Variants in SMIM35 observed in about 807,000 individuals in gnomAD.
The protein encoded by SMIM35 is TMPRSS4 antisense RNA 1 (non-protein coding).
intron 1 of SMIM35, among the ~76,000 whole-genome samples, chr11:118,055,147 A>G (rs1275733638): frequency 6.6e-6 from 1 of 151,988 alleles, no homozygotes; most frequent in Non-Finnish European, 1.5e-5. Flanking sequence ...AACATTCAGG[A>G]TTGTGTCTTT....
intron 1 of SMIM35, among the ~76,000 whole-genome samples, chr11:118,053,802 C>T (rs1944262827): frequency 6.6e-6 from 1 of 152,208 alleles, no homozygotes; most frequent in African/African-American, 2.4e-5. Context: ...GCCCCTGTTC[C>T]TCTGACAGTG....
chr11:118,067,795 G>A (rs1203399458), intron 1 of SMIM35, among the ~76,000 whole-genome samples: 1 of 146,334 alleles, frequency 6.8e-6, no homozygotes, highest in Non-Finnish European at 1.5e-5. Flanking sequence ...TCACGCCATT[G>A]CACTCCAGCT....
chr11:118,049,339 A>ATTTTTTTTTTTTTT (rs398017739), intron 1 of SMIM35, among the ~76,000 whole-genome samples: 1 of 83,992 alleles, frequency 1.2e-5, no homozygotes, highest in African/African-American at 5.0e-5. Flanking sequence ...TCCACCCTTA[A>ATTTTTTTTTTTTTT]TTTTTTTTTT....
intron 1 of SMIM35, chr11:118,025,405 C>G (rs1057099220): frequency 1.5e-5 from 6 of 407,034 alleles, no homozygotes; most frequent in African/African-American, 1.2e-4. Flanking sequence ...TACATTTCGA[C>G]CAACAGTGTG....
At chr11:118,020,377 T>C (rs1415659003) in intron 1 of SMIM35, among the ~76,000 whole-genome samples, 1 of 152,234 alleles carries the variant, frequency 6.6e-6, no homozygotes, top group African/African-American at 2.4e-5. Context: ...TACTTTTCTC[T>C]TTCTTGTGAA....
intron 1 of SMIM35, among the ~76,000 whole-genome samples, chr11:118,075,125 A>T (rs987912721): frequency 1.3e-5 from 2 of 152,148 alleles, no homozygotes; most frequent in African/African-American, 4.8e-5. Context: ...ACAACTGAAA[A>T]CGTGGCTCCC....
chr11:118,030,344 A>C (rs2058308106), intron 1 of SMIM35, among the ~76,000 whole-genome samples: 1 of 152,110 alleles, frequency 6.6e-6, no homozygotes, highest in Non-Finnish European at 1.5e-5. Context: ...TTGCAACATA[A>C]TTTATGTTGG....
intron 1 of SMIM35, among the ~76,000 whole-genome samples, chr11:118,080,747 C>G (rs912001424): frequency 6.6e-6 from 1 of 152,076 alleles, no homozygotes; most frequent in South Asian, 2.1e-4. Context: ...GGGGAACTGC[C>G]GACAAGCTTC....
intron 1 of SMIM35, among the ~76,000 whole-genome samples, chr11:118,049,531 T>C (rs373309080): frequency 1.3e-5 from 2 of 151,780 alleles, no homozygotes; most frequent in East Asian, 1.9e-4. Context: ...GTATTTTTAG[T>C]AGAGACGGGG....
chr11:118,078,541 A>G (rs1311415402), intron 1 of SMIM35, among the ~76,000 whole-genome samples: 1 of 152,180 alleles, frequency 6.6e-6, no homozygotes, highest in East Asian at 1.9e-4. Context: ...TCAAAGCACA[A>G]GCTTCCTGCT....
intron 1 of SMIM35, chr11:118,059,538 G>A (rs1367263213): frequency 6.6e-6 from 1 of 152,244 alleles, no homozygotes; most frequent in African/African-American, 2.4e-5. Context: ...TGCCAACTGT[G>A]AAGCATGACA....
intron 1 of SMIM35, among the ~76,000 whole-genome samples, chr11:118,044,634 C>A (rs1344918194): frequency 4.9e-4 from 75 of 151,754 alleles, no homozygotes; most frequent in Admixed American, 4.9e-3. Context: ...ATTAGCCAGG[C>A]GTGGTGGCGG....
chr11:118,036,772 CT>C (rs949049583), intron 1 of SMIM35, among the ~76,000 whole-genome samples: 21 of 144,720 alleles, frequency 1.5e-4, no homozygotes, highest in Admixed American at 4.7e-4. Flanking sequence ...TCCTTTTTTT[CT>C]TTTTTTTCTT....
chr11:118,027,884 C>G (rs1041021410), intron 1 of SMIM35, among the ~76,000 whole-genome samples: 4 of 152,222 alleles, frequency 2.6e-5, no homozygotes, highest in Non-Finnish European at 5.9e-5. Flanking sequence ...CTCCCAGCCT[C>G]CACTCTTACC....
intron 1 of SMIM35, among the ~76,000 whole-genome samples, chr11:118,047,866 T>A (rs888860360): frequency 6.6e-6 from 1 of 152,180 alleles, no homozygotes; most frequent in Non-Finnish European, 1.5e-5. Context: ...CTTGAGTGCC[T>A]AAGCTTTGCT....
intron 1 of SMIM35, among the ~76,000 whole-genome samples, chr11:118,084,669 A>AT (rs1174967320): frequency 1.3e-5 from 2 of 152,212 alleles, no homozygotes; most frequent in African/African-American, 4.8e-5. Flanking sequence ...CTGTAGGGTA[A>AT]TTGGGGCAGA....
At chr11:118,048,270 C>A (rs150658562) in intron 1 of SMIM35, among the ~76,000 whole-genome samples, 1 of 152,238 alleles carries the variant, frequency 6.6e-6, no homozygotes, top group Non-Finnish European at 1.5e-5. Context: ...CAGTTGTAAT[C>A]CCGCTGAGGC....
At chr11:118,069,307 T>C (rs1944535105) in intron 1 of SMIM35, among the ~76,000 whole-genome samples, 1 of 152,234 alleles carries the variant, frequency 6.6e-6, no homozygotes, top group South Asian at 2.1e-4. Flanking sequence ...GTCTTCCTTT[T>C]CTTCGTCTTC....
intron 1 of SMIM35, among the ~76,000 whole-genome samples, chr11:118,051,227 A>G (rs1485327344): frequency 6.6e-6 from 1 of 152,214 alleles, no homozygotes; most frequent in Non-Finnish European, 1.5e-5. Context: ...CTGTGGATTT[A>G]TAACAAAGGC....
Sources: allele counts gnomAD v4.1 joint callset (sites outside exome capture counted in the v4.1 genomes callset), GRCh38; gene constraint gnomAD v4.1.1; transcripts MANE v1.5; gene names NCBI Gene and HGNC (gene_info 2026-07-23, HGNC 2026-07-21).